Variants in PUDP observed in about 807,000 individuals in gnomAD.
The protein encoded by PUDP is pseudouridine 5'-phosphatase, also known as pseudouridine-5'-phosphatase.
In PUDP, 8 loss-of-function variants were observed where a neutral mutation model predicts 9.4. The ratio of observed to expected loss-of-function variants is 0.85; its 90% CI spans 0.50 to 1.53. The LOEUF is 1.53. PUDP is among the 40% of genes most tolerant of loss of function. The pLI is 0.00. For synonymous variants in PUDP, 99 were observed against 80.7 expected (o/e 1.23, Z -1.22); for missense variants, 188 against 189.7 (o/e 0.99, Z 0.05).
chrX:7,034,235 C>T (rs1323224545), intron 1 of PUDP, among the ~76,000 whole-genome samples: 2 of 111,977 alleles, frequency 1.8e-5, no homozygotes, highest in East Asian at 5.6e-4. Flanking sequence ...CTTGAGAAAG[C>T]TATGTCCATG....
rs760429408 is a variant in PUDP at position 6,942,641 on chromosome X, A to G, written c.*247+34492T>C. 8.9e-4 allele frequency among the ~76,000 whole-genome samples: 100 copies of G among 112,453 alleles called. 1 individual carries two copies. Among genetic ancestry groups the G allele is most frequent in the African/African-American group, 2.8e-3 (87 of 30,936 alleles). ...ATCCACTTGGAATCTCAGAAAGTGA[A>G]CTTATTTGAAAGCAGGCTTTTTGCA... On this transcript the variant is annotated intron_variant and NMD_transcript_variant, in intron 3 of 3. Coordinates refer to the PUDP transcript ENST00000655425.
intron 1 of PUDP, among the ~76,000 whole-genome samples, chrX:7,110,342 T>C (rs1440969844): frequency 1.8e-5 from 2 of 112,384 alleles, no homozygotes; most frequent in African/African-American, 3.2e-5. Context: ...AGTCCGCCCC[T>C]GAGGCACAGT....
intron 3 of PUDP, among the ~76,000 whole-genome samples, chrX:6,931,912 CTAAT>C (rs1347787507): frequency 8.9e-6 from 1 of 112,014 alleles, no homozygotes; most frequent in Non-Finnish European, 1.9e-5. Flanking sequence ...AAAAACCTCT[CTAAT>C]GAGGTTTTGA....
intron 3 of PUDP, among the ~76,000 whole-genome samples, chrX:6,874,023 G>A (rs770696232): frequency 2.7e-5 from 3 of 110,664 alleles, no homozygotes; most frequent in Non-Finnish European, 5.7e-5. Flanking sequence ...CCACTCGGGA[G>A]GCTGAGTTGG....
intron 3 of PUDP, among the ~76,000 whole-genome samples, chrX:6,848,938 A>C (rs1173543119): frequency 8.9e-6 from 1 of 112,218 alleles, no homozygotes; most frequent in East Asian, 2.8e-4. Context: ...AGCAATGCAA[A>C]AATGGCCTAA....
At chrX:6,814,519 G>A (rs770765056) in intron 3 of PUDP, among the ~76,000 whole-genome samples, 25 of 111,029 alleles carry the variant, frequency 2.3e-4, no homozygotes, top group Non-Finnish European at 4.2e-4. Flanking sequence ...ATAATAAAAC[G>A]TCCACCTCCA....
At chrX:6,812,036 T>C (rs918498270) in intron 3 of PUDP, among the ~76,000 whole-genome samples, 2 of 112,481 alleles carry the variant, frequency 1.8e-5, no homozygotes, top group East Asian at 2.8e-4. Context: ...GACATCAACA[T>C]TGAGATAATT....
intron 3 of PUDP, among the ~76,000 whole-genome samples, chrX:6,780,389 TAC>T: frequency 9.0e-6 from 1 of 111,226 alleles, no homozygotes; most frequent in Middle Eastern, 4.7e-3. Flanking sequence ...AGACTTAAAC[TAC>T]AGAGTGTTTA....
At position 7,114,098 on chromosome X, in the gene PUDP, G is replaced by A. The variant is rs148305174; in HGVS notation, c.62-8260C>T. ...TTTTTCTTTTTTCTCTCTTTGAGAC[G>A]GAGTCTCGCACTGTAGCCAGGGCTG... is the stretch of plus-strand genomic sequence containing the variant. On this transcript the variant is annotated intron_variant, in intron 1 of 3. Transcript: ENST00000381077. Among the ~76,000 whole-genome samples the A allele has an allele frequency of 1.2e-4, 13 of 110,392 alleles. No individual in the cohort carries two copies. In the East Asian group the frequency reaches 2.6e-3, roughly 22 times the overall value.
At chrX:6,812,481 T>C (rs942358280) in intron 3 of PUDP, among the ~76,000 whole-genome samples, 24 of 112,139 alleles carry the variant, frequency 2.1e-4, no homozygotes, top group African/African-American at 7.1e-4. Context: ...AGTTTCTCCA[T>C]GCCTTGGGCA....
intron 3 of PUDP, among the ~76,000 whole-genome samples, chrX:6,813,401 C>G (rs1360610213): frequency 9.0e-6 from 1 of 110,894 alleles, no homozygotes; most frequent in Non-Finnish European, 1.9e-5. Flanking sequence ...CAGCTCAGGG[C>G]CCTCTTGGTT....
intron 3 of PUDP, among the ~76,000 whole-genome samples, chrX:7,074,332 C>T (rs760139598): frequency 2.7e-5 from 3 of 112,155 alleles, no homozygotes; most frequent in African/African-American, 9.7e-5. Flanking sequence ...GTGCTACCAC[C>T]GCCTATGGCC....
At chrX:6,929,178 A>G (rs1928152460) in intron 3 of PUDP, among the ~76,000 whole-genome samples, 1 of 112,708 alleles carries the variant, frequency 8.9e-6, no homozygotes, top group South Asian at 3.6e-4. Flanking sequence ...AATGTCAGAT[A>G]AACAACTGTC....
chrX:6,890,430 C>A (rs1242004531), intron 3 of PUDP, among the ~76,000 whole-genome samples: 1 of 111,850 alleles, frequency 8.9e-6, no homozygotes, highest in African/African-American at 3.3e-5. Context: ...GTTTTGAGGT[C>A]ATTTGCTGGC....
At chrX:6,878,961 C>T (rs1200109192) in intron 3 of PUDP, among the ~76,000 whole-genome samples, 1 of 111,819 alleles carries the variant, frequency 8.9e-6, no homozygotes, top group Admixed American at 9.5e-5. Context: ...ATCTCAGCCT[C>T]CTCTCTTGTC....
intron 3 of PUDP, among the ~76,000 whole-genome samples, chrX:6,828,504 A>G (rs902015729): frequency 9.0e-6 from 1 of 111,731 alleles, no homozygotes; most frequent in Non-Finnish European, 1.9e-5. Flanking sequence ...AACATCCTCC[A>G]GCACAGTAGT....
intron 3 of PUDP, among the ~76,000 whole-genome samples, chrX:6,948,644 T>A (rs1030130897): frequency 1.8e-5 from 2 of 112,055 alleles, no homozygotes; most frequent in Non-Finnish European, 3.8e-5. Flanking sequence ...AGGTTTTAGA[T>A]GATGCTAAAG....
intron 3 of PUDP, among the ~76,000 whole-genome samples, chrX:6,733,770 C>CTTTTTTTTTTT (rs3046297): frequency 1.9e-4 from 9 of 46,253 alleles, no homozygotes; most frequent in East Asian, 7.4e-4. Context: ...AAAGCAAAGC[C>CTTTTTTTTTTT]TTTTTTTTTT....
intron 1 of PUDP, among the ~76,000 whole-genome samples, chrX:7,012,936 G>C (rs906247909): frequency 1.8e-5 from 2 of 111,222 alleles, no homozygotes; most frequent in African/African-American, 6.6e-5. Context: ...TCTGATGGTA[G>C]TGGGGGTGGG....
Sources: gnomAD v4.1 joint callset for allele counts (sites outside exome capture counted in the v4.1 genomes callset) on GRCh38, gnomAD v4.1.1 for gene constraint, MANE v1.5 for transcripts, NCBI Gene and HGNC (gene_info 2026-07-23, HGNC 2026-07-21) for gene names.